The following XKR4 variants were observed in gnomAD, a reference collection of about 807,000 sequenced individuals.
XKR4 encodes XK related 4.
In XKR4, 12 loss-of-function variants were observed where a neutral mutation model predicts 53.9. The observed-to-expected ratio is 0.22, with a 90% CI of 0.14 to 0.36. XKR4 has a LOEUF of 0.36. Ranked by LOEUF, XKR4 falls within the 10% of genes least tolerant of loss-of-function variation. The probability of loss-of-function intolerance (pLI) is 1.00; values close to 1 mark genes in which losing one functional copy is unlikely to be tolerated. For missense variants in XKR4, 799 were observed against 859.5 expected, an observed-to-expected ratio of 0.93 and a Z score of 0.88; for synonymous variants, 354 against 362.4, an observed-to-expected ratio of 0.98 and a Z score of 0.26.
At chr8:55,232,800 A>G (rs1375312382) in intron 1 of XKR4, among the ~76,000 whole-genome samples, 1 of 152,184 alleles carries the variant, frequency 6.6e-6, no homozygotes, top group Non-Finnish European at 1.5e-5. Context: ...TGAGGAGATC[A>G]GGGACCAACC....
In XKR4 at chr8:55,125,144, C is replaced by A. The variant is rs72651842; in HGVS notation, c.806+21850C>A. 3.6e-3 allele frequency among the ~76,000 whole-genome samples: 549 copies of A among 152,216 alleles called. 1 individual carries two copies. Among genetic ancestry groups the A allele is most frequent in the Non-Finnish European group, 4.3e-3 (291 of 68,010 alleles). On this transcript the variant is annotated intron_variant, in intron 1 of 2. Coordinates refer to ENST00000327381, the MANE Select transcript of XKR4 (RefSeq NM_052898.2). ...AGATCTTACCTATTTTTAAAAAATC[C>A]ATTTTAGCAAGTGCTTCTCATAGGG...
intron 1 of XKR4, among the ~76,000 whole-genome samples, chr8:55,207,460 T>A (rs1817665450): frequency 1.3e-5 from 2 of 152,352 alleles, no homozygotes; most frequent in African/African-American, 2.4e-5. Context: ...ATGTGTGTAC[T>A]GGGCTTTCTT....
intron 1 of XKR4, among the ~76,000 whole-genome samples, chr8:55,282,681 C>T (rs1041916694): frequency 6.6e-6 from 1 of 152,144 alleles, no homozygotes; most frequent in African/African-American, 2.4e-5. Flanking sequence ...CTACCTCCAA[C>T]ATTGGGGATC....
intron 1 of XKR4, among the ~76,000 whole-genome samples, chr8:55,209,078 C>A (rs1817689503): frequency 6.6e-6 from 1 of 152,114 alleles, no homozygotes; most frequent in Admixed American, 6.5e-5. Context: ...CATAGGCAAC[C>A]AGGTTTGCGC....
At chr8:55,508,085 T>A (rs896545715) in intron 2 of XKR4, among the ~76,000 whole-genome samples, 2 of 152,160 alleles carry the variant, frequency 1.3e-5, no homozygotes, top group African/African-American at 4.8e-5. Context: ...AAATTACTGT[T>A]CTTTTATTGC....
At chr8:55,295,462 C>G (rs1819088378) in intron 1 of XKR4, among the ~76,000 whole-genome samples, 1 of 152,124 alleles carries the variant, frequency 6.6e-6, no homozygotes. Flanking sequence ...TACATAGTAA[C>G]TGGGCACTTA....
At chr8:55,444,976 T>G (rs945629306) in intron 2 of XKR4, among the ~76,000 whole-genome samples, 3 of 152,214 alleles carry the variant, frequency 2.0e-5, no homozygotes, top group Admixed American at 6.5e-5. Context: ...TGTGATATAG[T>G]CATATCATGA....
At chr8:55,286,638 C>T (rs560965981) in intron 1 of XKR4, among the ~76,000 whole-genome samples, 1 of 152,344 alleles carries the variant, frequency 6.6e-6, no homozygotes, top group African/African-American at 2.4e-5. Context: ...CAGTGTTGTT[C>T]TGGAAACAGA....
At chr8:55,263,479 T>C (rs1818556574) in intron 1 of XKR4, among the ~76,000 whole-genome samples, 1 of 152,208 alleles carries the variant, frequency 6.6e-6, no homozygotes, top group Non-Finnish European at 1.5e-5. Flanking sequence ...GGTATGCTCT[T>C]CTAGGGATAA....
chr8:55,457,023 A>AAG (rs57950136), intron 2 of XKR4, among the ~76,000 whole-genome samples: 118,570 of 151,718 alleles, frequency 0.78, 47,064 homozygotes, highest in African/African-American at 0.92. Context: ...ATCTTGAAAA[A>AAG]AGAAAAAAAT....
intron 1 of XKR4, among the ~76,000 whole-genome samples, chr8:55,337,198 C>T (rs964930221): frequency 2.0e-5 from 3 of 152,052 alleles, no homozygotes; most frequent in Admixed American, 2.0e-4. Context: ...CCTAGTGTCT[C>T]CTACTACCAA....
At chr8:55,399,487 T>C (rs1374309743) in intron 2 of XKR4, among the ~76,000 whole-genome samples, 2 of 152,216 alleles carry the variant, frequency 1.3e-5, no homozygotes, top group Admixed American at 1.3e-4. Flanking sequence ...TTCTACCTGA[T>C]TTTATTAAAC....
intron 2 of XKR4, among the ~76,000 whole-genome samples, chr8:55,458,777 T>C (rs574718259): frequency 6.6e-6 from 1 of 152,342 alleles, no homozygotes; most frequent in East Asian, 1.9e-4. Context: ...GCTGCTTCTC[T>C]TCTCTCCTTT....
chr8:55,164,121 A>T lies in XKR4; in HGVS notation c.806+60827A>T, dbSNP rs1376226523. ...CTCCACCTTCTCTTTTCAGCAGACC[A>T]CAGCCCCAGACCAGCCCTACAGGAG... On this transcript the variant is annotated intron_variant, in intron 1 of 2. Coordinates refer to ENST00000327381, the MANE Select transcript of XKR4 (RefSeq NM_052898.2). 2.4e-5 allele frequency: 11 copies of T among 449,354 alleles called. 1 individual carries two copies. In the Admixed American group the frequency reaches 2.6e-4, roughly 11 times the overall value. The allele number at this position is 449,354 out of a possible 1,614,324, so 27.8% of individuals were successfully genotyped here. A position where few individuals can be genotyped will look rare whatever the true frequency, so the allele number is the denominator to read the frequency against.
chr8:55,202,058 T>C (rs1250092495), intron 1 of XKR4, among the ~76,000 whole-genome samples: 1 of 152,212 alleles, frequency 6.6e-6, no homozygotes, highest in Non-Finnish European at 1.5e-5. Flanking sequence ...TCAAGAATTT[T>C]CCCACTCAGG....
chr8:55,177,593 G>C (rs1276905664), intron 1 of XKR4, among the ~76,000 whole-genome samples: 3 of 152,210 alleles, frequency 2.0e-5, no homozygotes, highest in African/African-American at 7.2e-5. Context: ...CACAGAGTGA[G>C]CAGGCCTGTG....
At chr8:55,296,601 G>A (rs1819104535) in intron 1 of XKR4, among the ~76,000 whole-genome samples, 1 of 152,020 alleles carries the variant, frequency 6.6e-6, no homozygotes, top group Non-Finnish European at 1.5e-5. Context: ...CAATTCCAGT[G>A]CAAATTTAGA....
rs534946809 is a variant in XKR4 at position 55,172,892 on chromosome 8, A to G, written c.806+69598A>G. On this transcript the variant is annotated intron_variant, in intron 1 of 2. Coordinates refer to ENST00000327381, the MANE Select transcript of XKR4 (RefSeq NM_052898.2). ...TAGACGTATGACCCCTTGAGTTTCT[A>G]TTGGTTGGTTGATCTGGTTTCGTTT... Among the ~76,000 whole-genome samples, 8 of 152,234 alleles carry G rather than the reference A, an allele frequency of 5.3e-5. No individual in the cohort carries two copies. In the South Asian group the frequency reaches 1.2e-3, roughly 24 times the overall value.
At chr8:55,332,341 CCAAA>C (rs1287090112) in intron 1 of XKR4, among the ~76,000 whole-genome samples, 1 of 152,030 alleles carries the variant, frequency 6.6e-6, no homozygotes, top group East Asian at 1.9e-4. Flanking sequence ...GCTGGAGTTA[CCAAA>C]CAAATTATAA....
Sources: gnomAD v4.1 joint callset for allele counts (sites outside exome capture counted in the v4.1 genomes callset) on GRCh38, gnomAD v4.1.1 for gene constraint, MANE v1.5 for transcripts, NCBI Gene and HGNC (gene_info 2026-07-23, HGNC 2026-07-21) for gene names.